DOK6: variants seen among roughly 807,000 people sequenced by gnomAD.
The protein encoded by DOK6 is downstream of tyrosine kinase 6.
Under a neutral mutation model 44.0 loss-of-function variants are expected in DOK6, and 22 were observed. The ratio of observed to expected loss-of-function variants is 0.50; its 90% confidence interval spans 0.36 to 0.71. DOK6 has a LOEUF of 0.71. Ranked by LOEUF, DOK6 falls within the 30% of genes least tolerant of loss-of-function variation. The probability of loss-of-function intolerance (pLI) is 0.00; values close to 1 mark genes in which losing one functional copy is unlikely to be tolerated. For synonymous variants in DOK6, 166 were observed against 145.5 expected, an observed-to-expected ratio of 1.14 and a Z score of -1.01; for missense variants, 340 against 416.4, an observed-to-expected ratio of 0.82 and a Z score of 1.60.
intron 3 of DOK6, among the ~76,000 whole-genome samples, chr18:69,676,007 G>A (rs538013212): frequency 6.5e-4 from 99 of 152,196 alleles, no homozygotes; most frequent in African/African-American, 2.3e-3. Context: ...CCTTGTGGTT[G>A]GAAAGGATTA....
At chr18:69,803,098 A>G (rs1043435253) in intron 7 of DOK6, among the ~76,000 whole-genome samples, 2 of 152,122 alleles carry the variant, frequency 1.3e-5, no homozygotes, top group Non-Finnish European at 2.9e-5. Flanking sequence ...GATGTTATAT[A>G]TACTATTTTT....
At chr18:69,494,142 C>G (rs1035537523) in intron 1 of DOK6, among the ~76,000 whole-genome samples, 3 of 152,164 alleles carry the variant, frequency 2.0e-5, no homozygotes, top group African/African-American at 7.2e-5. Flanking sequence ...ATTAGTGCTT[C>G]TTTCTTAACT....
chr18:69,507,258 A>C (rs1233338422), intron 1 of DOK6, among the ~76,000 whole-genome samples: 1 of 151,436 alleles, frequency 6.6e-6, no homozygotes, highest in Non-Finnish European at 1.5e-5. Context: ...TGATCTCCTG[A>C]CCTTGTGATC....
intron 3 of DOK6, among the ~76,000 whole-genome samples, chr18:69,626,448 T>G (rs1239486254): frequency 6.6e-6 from 1 of 152,180 alleles, no homozygotes; most frequent in Non-Finnish European, 1.5e-5. Context: ...ATACTAAAAG[T>G]CAACCTTGTA....
chr18:69,539,042 A>G (rs1461352379), intron 1 of DOK6, among the ~76,000 whole-genome samples: 1 of 152,216 alleles, frequency 6.6e-6, no homozygotes, highest in African/African-American at 2.4e-5. Context: ...GAAGTCGTGT[A>G]ATGAGTATCA....
At position 69,711,128 on chromosome 18, in the gene DOK6, G is replaced by A. The variant is rs144173176; in HGVS notation, c.599+12535G>A. ...TTCCATATATGGCACCTGGAACACC[G>A]GCTTTATAAGACACCTCCAATTCAT... On this transcript the variant is annotated intron_variant, in intron 5 of 7. Transcript: ENST00000382713. Among the ~76,000 whole-genome samples the A allele has an allele frequency of 1.4e-3, 213 of 152,268 alleles. 3 individuals carry two copies. Among genetic ancestry groups the A allele is most frequent in the African/African-American group, 4.8e-3 (199 of 41,540 alleles).
chr18:69,755,939 A>G (rs531287556), intron 6 of DOK6, among the ~76,000 whole-genome samples: 1 of 152,320 alleles, frequency 6.6e-6, no homozygotes, highest in Admixed American at 6.5e-5. Context: ...CACAGATTGA[A>G]CACAAGGCCA....
intron 3 of DOK6, among the ~76,000 whole-genome samples, chr18:69,675,012 AC>A (rs1252416151): frequency 6.6e-6 from 1 of 152,118 alleles, no homozygotes; most frequent in African/African-American, 2.4e-5. Flanking sequence ...TATGTACTCT[AC>A]TTTTATTATT....
chr18:69,649,389 G>A (rs965214237), intron 3 of DOK6, among the ~76,000 whole-genome samples: 2 of 152,132 alleles, frequency 1.3e-5, no homozygotes, highest in African/African-American at 2.4e-5. Context: ...GCATGGACTA[G>A]ACTTCCACAA....
intron 1 of DOK6, among the ~76,000 whole-genome samples, chr18:69,441,903 A>G (rs1979147626): frequency 6.6e-6 from 1 of 152,184 alleles, no homozygotes; most frequent in Non-Finnish European, 1.5e-5. Context: ...ATTGAGAGAA[A>G]AGAAAAAAAT....
intron 1 of DOK6, among the ~76,000 whole-genome samples, chr18:69,514,933 C>G (rs1246700160): frequency 2.0e-5 from 3 of 151,928 alleles, no homozygotes; most frequent in Admixed American, 2.0e-4. Flanking sequence ...TAGCCTCAGA[C>G]TGATTAGAGG....
At chr18:69,681,863 C>T (rs986902132) in intron 4 of DOK6, among the ~76,000 whole-genome samples, 1 of 152,136 alleles carries the variant, frequency 6.6e-6, no homozygotes, top group African/African-American at 2.4e-5. Flanking sequence ...CCTGCAAATG[C>T]AGTTGGAAAT....
intron 1 of DOK6, among the ~76,000 whole-genome samples, chr18:69,466,063 T>C (rs1407077261): frequency 1.3e-5 from 2 of 152,216 alleles, no homozygotes; most frequent in Non-Finnish European, 2.9e-5. Flanking sequence ...TTGGTAAGTA[T>C]ACATTATTAT....
At chr18:69,460,477 G>A (rs942787179) in intron 1 of DOK6, among the ~76,000 whole-genome samples, 1 of 152,104 alleles carries the variant, frequency 6.6e-6, no homozygotes, top group Non-Finnish European at 1.5e-5. Flanking sequence ...AATAATATCA[G>A]TCAGTTTATG....
intron 7 of DOK6, among the ~76,000 whole-genome samples, chr18:69,771,829 C>CA (rs1182648816): frequency 2.0e-5 from 3 of 150,570 alleles, no homozygotes; most frequent in Non-Finnish European, 4.4e-5. Context: ...AAGTAAATAC[C>CA]AAAAAAATTA....
chr18:69,824,102 A>T (rs1034487339), intron 7 of DOK6, among the ~76,000 whole-genome samples: 5 of 151,566 alleles, frequency 3.3e-5, no homozygotes, highest in East Asian at 1.9e-4. Flanking sequence ...CGTGCAGGTT[A>T]GTTACATATG....
intron 1 of DOK6, among the ~76,000 whole-genome samples, chr18:69,477,905 G>T (rs1469722737): frequency 3.3e-5 from 5 of 152,112 alleles, no homozygotes; most frequent in African/African-American, 9.7e-5. Context: ...TGTAGTATTT[G>T]AGCCTTTAGC....
At chr18:69,834,925 G>A (rs534924452) in intron 7 of DOK6, among the ~76,000 whole-genome samples, 1 of 152,302 alleles carries the variant, frequency 6.6e-6, no homozygotes, top group South Asian at 2.1e-4. Context: ...TACAATCATG[G>A]CGAAAGGGGA....
chr18:69,692,874 A>C (rs1253941054), intron 4 of DOK6, among the ~76,000 whole-genome samples: 1 of 152,208 alleles, frequency 6.6e-6, no homozygotes, highest in African/African-American at 2.4e-5. Context: ...TATTAATTTT[A>C]TTTATGTTAA....
Sources: gnomAD v4.1 joint callset for allele counts (sites outside exome capture counted in the v4.1 genomes callset) on GRCh38, gnomAD v4.1.1 for gene constraint, MANE v1.5 for transcripts, NCBI Gene and HGNC (gene_info 2026-07-23, HGNC 2026-07-21) for gene names.